Variants in TMEM164 observed in about 807,000 individuals in gnomAD.
The protein encoded by TMEM164 is transmembrane protein 164, also known as RP13-360B22.2.
TMEM164 carries 4 observed loss-of-function variants against 18.8 expected under a neutral mutation model. The observed-to-expected ratio is 0.21, with a 90% CI of 0.10 to 0.49. The LOEUF (loss-of-function observed/expected upper bound fraction) is 0.49, where lower values mean the gene tolerates loss of function less well. TMEM164 is among the 20% of genes least tolerant of loss of function. The pLI is 0.98. For synonymous variants in TMEM164, 86 were observed against 101.7 expected (o/e 0.85, Z 0.93); for missense variants, 108 against 239.9 (o/e 0.45, Z 3.63).
intron 2 of TMEM164, chrX:110,046,187 C>A (rs773493924): frequency 4.0e-6 from 3 of 753,145 alleles, no homozygotes; most frequent in Admixed American, 8.7e-5. Flanking sequence ...AAGCTCAGTG[C>A]TGACGTTATG....
chrX:110,034,803 A>G (rs1418331023), intron 2 of TMEM164, among the ~76,000 whole-genome samples: 4 of 103,166 alleles, frequency 3.9e-5, no homozygotes, highest in Non-Finnish European at 5.9e-5. Context: ...CACAATAGCA[A>G]AGACTTGGAA....
chrX:110,092,195 C>T (rs760166973), intron 3 of TMEM164, among the ~76,000 whole-genome samples: 2 of 111,825 alleles, frequency 1.8e-5, no homozygotes, highest in Admixed American at 1.9e-4. Flanking sequence ...AATGCAGGCT[C>T]TTTTTTGGTT....
At chrX:110,178,054 C>G (rs184115756), downstream of TMEM164, among the ~76,000 whole-genome samples, 11 of 112,311 alleles carry the variant, frequency 9.8e-5, no homozygotes, top group African/African-American at 3.2e-4. Flanking sequence ...TCTCTGGTAC[C>G]CAAAGTGCAT....
intron 2 of TMEM164, among the ~76,000 whole-genome samples, chrX:110,061,197 G>C (rs1405273989): frequency 8.9e-6 from 1 of 112,613 alleles, no homozygotes; most frequent in East Asian, 2.8e-4. Context: ...TAGCTATTAT[G>C]TATTGAGTGC....
At chrX:110,041,725 TGTAA>T (rs1288639119) in intron 2 of TMEM164, among the ~76,000 whole-genome samples, 2 of 112,033 alleles carry the variant, frequency 1.8e-5, no homozygotes, top group Non-Finnish European at 3.8e-5. Flanking sequence ...AGCTGAGGCA[TGTAA>T]GTGTGACTTT....
At chrX:110,043,326 C>T (rs1310939130) in intron 2 of TMEM164, among the ~76,000 whole-genome samples, 2 of 112,561 alleles carry the variant, frequency 1.8e-5, no homozygotes, top group African/African-American at 6.5e-5. Context: ...TTGTTGAGCA[C>T]ATCATATGCT....
At chrX:110,088,405 T>A (rs1393870982) in intron 3 of TMEM164, among the ~76,000 whole-genome samples, 1 of 111,983 alleles carries the variant, frequency 8.9e-6, no homozygotes, top group African/African-American at 3.2e-5. Context: ...GTTGGACTCA[T>A]CACTGAAAAA....
At chrX:110,127,556 C>A (rs1293810888) in intron 4 of TMEM164, among the ~76,000 whole-genome samples, 1 of 112,311 alleles carries the variant, frequency 8.9e-6, no homozygotes, top group Non-Finnish European at 1.9e-5. Context: ...CACAACTCAA[C>A]TCCTGCTTCC....
intron 2 of TMEM164, among the ~76,000 whole-genome samples, chrX:110,031,655 G>GT (rs943414137): frequency 1.8e-5 from 2 of 110,029 alleles, no homozygotes; most frequent in African/African-American, 6.6e-5. Flanking sequence ...TTTTAAAAAG[G>GT]TTTTTTTGCT....
chrX:110,022,032 A>G (rs950905900), intron 2 of TMEM164, among the ~76,000 whole-genome samples: 1 of 111,703 alleles, frequency 9.0e-6, no homozygotes, highest in Non-Finnish European at 1.9e-5. Context: ...ACACAAACCA[A>G]TGCCTGCTCC....
At chrX:110,106,422 G>A (rs751281657) in intron 3 of TMEM164, among the ~76,000 whole-genome samples, 197 of 103,756 alleles carry the variant, frequency 1.9e-3, no homozygotes, top group African/African-American at 6.7e-3. Flanking sequence ...CACTCAGGCC[G>A]GAGTGCAATG....
intron 4 of TMEM164, among the ~76,000 whole-genome samples, chrX:110,111,896 C>T (rs2066295218): frequency 9.0e-6 from 1 of 111,226 alleles, no homozygotes; most frequent in South Asian, 3.8e-4. Flanking sequence ...CTGAAGTATC[C>T]TTAGTCCCTT....
At chrX:110,056,173 C>T (rs996112041) in intron 2 of TMEM164, among the ~76,000 whole-genome samples, 1 of 109,492 alleles carries the variant, frequency 9.1e-6, no homozygotes, top group Non-Finnish European at 1.9e-5. Flanking sequence ...AGCTCACCCC[C>T]CTCCCTACCT....
intron 4 of TMEM164, among the ~76,000 whole-genome samples, chrX:110,125,500 G>A (rs927404900): frequency 1.8e-5 from 2 of 111,571 alleles, no homozygotes; most frequent in African/African-American, 3.3e-5. Flanking sequence ...GAACTGGCTC[G>A]GGTGGGGGTT....
chrX:110,022,494 G>C (rs1933945650), intron 2 of TMEM164, among the ~76,000 whole-genome samples: 1 of 111,303 alleles, frequency 9.0e-6, no homozygotes, highest in African/African-American at 3.3e-5. Flanking sequence ...CTGGCATATA[G>C]GTATTTGATC....
At chrX:110,030,471 A>G (rs1347700575) in intron 2 of TMEM164, among the ~76,000 whole-genome samples, 2 of 75,827 alleles carry the variant, frequency 2.6e-5, no homozygotes, top group African/African-American at 9.9e-5. Flanking sequence ...TGTGGGTTTT[A>G]TTATTGTTCA....
At chrX:110,119,537 G>A (rs1602658235) in intron 4 of TMEM164, among the ~76,000 whole-genome samples, 1 of 111,996 alleles carries the variant, frequency 8.9e-6, no homozygotes, top group African/African-American at 3.2e-5. Flanking sequence ...AAGTCTTTTT[G>A]TCTCTTTATA....
chrX:110,137,546 A>G (rs1212736205), intron 4 of TMEM164, among the ~76,000 whole-genome samples: 1 of 112,012 alleles, frequency 8.9e-6, no homozygotes, highest in Non-Finnish European at 1.9e-5. Flanking sequence ...CCTCTGCCTC[A>G]AGTAGCAAAC....
At chrX:110,052,719 G>A (rs1382955385) in intron 2 of TMEM164, among the ~76,000 whole-genome samples, 1 of 105,383 alleles carries the variant, frequency 9.5e-6, no homozygotes, top group Non-Finnish European at 1.9e-5. Context: ...TGTTGTGAAG[G>A]AAAAGAACAG....
Sources: gnomAD v4.1 joint callset for allele counts (sites outside exome capture counted in the v4.1 genomes callset) on GRCh38, gnomAD v4.1.1 for gene constraint, MANE v1.5 for transcripts, NCBI Gene and HGNC (gene_info 2026-07-23, HGNC 2026-07-21) for gene names.